The following ACSM6 variants were observed in gnomAD, a reference collection of about 807,000 sequenced individuals.
ACSM6 encodes acyl-CoA synthetase medium chain family member 6.
A neutral mutation model predicts 51.1 loss-of-function variants in ACSM6; 35 were observed. That is an observed-to-expected ratio of 0.69 (90% CI 0.52 to 0.91). ACSM6 has a LOEUF of 0.91. Among genes scored for constraint, ACSM6 ranks in the 40% least tolerant of loss-of-function variants. The pLI is 0.00. For missense variants in ACSM6, 509 were observed against 584.1 expected (o/e 0.87, Z 1.32); for synonymous variants, 172 against 207.3 (o/e 0.83, Z 1.46).
At chr10:95,199,744 T>C (rs2034773920) in intron 2 of ACSM6, among the ~76,000 whole-genome samples, 1 of 151,952 alleles carries the variant, frequency 6.6e-6, no homozygotes, top group Non-Finnish European at 1.5e-5. Flanking sequence ...AACAGACACA[T>C]GAAAAAATGC....
rs555919525 is a variant in ACSM6 at position 95,207,579 on chromosome 10, G to A, written c.611+164G>A. On this transcript the variant is annotated intron_variant, in intron 4 of 10. Coordinates refer to ENST00000341686, the Ensembl canonical transcript of ACSM6. Reference sequence around the variant, plus strand: ...AGAAGGTGGTGTGAGTGGTCAGAATGAAAAGCTGAATGGCAATTTCTAGTC... The same window carrying A: ...AGAAGGTGGTGTGAGTGGTCAGAATAAAAAGCTGAATGGCAATTTCTAGTC... Among the ~76,000 whole-genome samples, 66 of 152,270 alleles carry A rather than the reference G, an allele frequency of 4.3e-4. No individual in the cohort carries two copies. In the South Asian group the frequency reaches 6.9e-3, roughly 16 times the overall value.
intron 9 of ACSM6, 142 bp downstream of exon 9, chr10:95,220,113 G>T: frequency 1.5e-6 from 1 of 658,010 alleles, no homozygotes; most frequent in South Asian, 2.0e-5. Flanking sequence ...TCACATTATT[G>T]CTTTTATTTC....
intron 7 of ACSM6, among the ~76,000 whole-genome samples, chr10:95,214,106 G>T (rs998676628): frequency 1.2e-4 from 19 of 152,094 alleles, no homozygotes. Context: ...TGATGTAATG[G>T]TATATTTGGG....
intron 10 of ACSM6, chr10:95,225,930 G>A (rs184443395): frequency 2.6e-5 from 4 of 152,236 alleles, no homozygotes; most frequent in East Asian, 1.9e-4. Flanking sequence ...AATAGAGGAC[G>A]GTTGTGTTAA....
chr10:95,207,998 G>A (rs999455928), intron 4 of ACSM6, among the ~76,000 whole-genome samples: 1 of 151,948 alleles, frequency 6.6e-6, no homozygotes, highest in African/African-American at 2.4e-5. Context: ...AAAATTAGCT[G>A]GGTGTGGTGG....
At chr10:95,202,781 A>G (rs1305963137) in intron 3 of ACSM6, among the ~76,000 whole-genome samples, 1 of 150,048 alleles carries the variant, frequency 6.7e-6, no homozygotes, top group East Asian at 1.9e-4. Flanking sequence ...CACAAAGCAG[A>G]AAAAAAAAAT....
chr10:95,201,711 C>T, intron 2 of ACSM6: 2 of 544,104 alleles, frequency 3.7e-6, no homozygotes, highest in Non-Finnish European at 6.8e-6. Context: ...TCTCTGCCAT[C>T]CTGGGCAGGG....
At chr10:95,207,137 G>T in intron 3 of ACSM6, 71 bp from the exon 4 acceptor site, 1 of 1,463,142 alleles carries the variant, frequency 6.8e-7, no homozygotes, top group South Asian at 1.2e-5. Flanking sequence ...ATCCATGCCT[G>T]CCAGAATGCT....
intron 4 of ACSM6, among the ~76,000 whole-genome samples, chr10:95,209,327 A>C (rs2133380565): frequency 1.3e-5 from 2 of 152,220 alleles, no homozygotes; most frequent in Middle Eastern, 3.4e-3. Flanking sequence ...TGGGGAAGAG[A>C]GTAGCAGGAG....
At chr10:95,222,720 G>C (rs1271943032) in intron 9 of ACSM6, among the ~76,000 whole-genome samples, 1 of 152,050 alleles carries the variant, frequency 6.6e-6, no homozygotes, top group Admixed American at 6.6e-5. Context: ...ATCCACCAAG[G>C]GGTACAAAAT....
intron 4 of ACSM6, among the ~76,000 whole-genome samples, chr10:95,208,658 T>C (rs931771737): frequency 2.6e-5 from 4 of 152,204 alleles, no homozygotes; most frequent in African/African-American, 9.7e-5. Flanking sequence ...AGAGATCACA[T>C]TTGCATAACT....
exon 11 of ACSM6, chr10:95,228,681 T>G (rs1163979409): frequency 6.4e-7 from 1 of 1,551,760 alleles, no homozygotes; most frequent in Non-Finnish European, 8.7e-7. Context: ...AGAGGCCACA[T>G]GCTTTACCTC....
At chr10:95,228,680 A>T in exon 11 of ACSM6, 5 of 1,551,840 alleles carry the variant, frequency 3.2e-6, no homozygotes, top group Non-Finnish European at 3.5e-6. Flanking sequence ...AAGAGGCCAC[A>T]TGCTTTACCT....
intron 8 of ACSM6, among the ~76,000 whole-genome samples, chr10:95,215,876 G>GAAGTGTCTCACAGAC (rs1564590411): frequency 6.6e-6 from 1 of 151,854 alleles, no homozygotes; most frequent in Non-Finnish European, 1.5e-5. Flanking sequence ...CACAGACAGG[G>GAAGTGTCTCACAGAC]AGAGAGAGAG....
chr10:95,208,851 G>A (rs1046102749), intron 4 of ACSM6, among the ~76,000 whole-genome samples: 3 of 142,820 alleles, frequency 2.1e-5, no homozygotes, highest in Non-Finnish European at 3.0e-5. Context: ...CATCCCCCAC[G>A]GATAAGGCAA....
At chr10:95,213,131 T>G (rs2034911557) in intron 7 of ACSM6, among the ~76,000 whole-genome samples, 191 bp downstream of exon 7, 1 of 152,222 alleles carries the variant, frequency 6.6e-6, no homozygotes, top group South Asian at 2.1e-4. Context: ...ATCCATATCT[T>G]GACCCAGAAC....
chr10:95,198,190 G>A (rs1039118739), intron 2 of ACSM6, among the ~76,000 whole-genome samples: 1 of 151,980 alleles, frequency 6.6e-6, no homozygotes, highest in Non-Finnish European at 1.5e-5. Flanking sequence ...CATAGACACA[G>A]TAACAGTCTG....
At chr10:95,213,933 G>A (rs2034919976) in intron 7 of ACSM6, among the ~76,000 whole-genome samples, 1 of 152,086 alleles carries the variant, frequency 6.6e-6, no homozygotes, top group Non-Finnish European at 1.5e-5. Context: ...GGCATTTTGT[G>A]GAGCAGTTAA....
exon 4 of ACSM6, chr10:95,207,329 C>A: frequency 6.2e-7 from 1 of 1,614,116 alleles, no homozygotes; most frequent in South Asian, 1.1e-5. Context: ...TAAACTCTGC[C>A]GTGTCCGACT....
Sources: gnomAD v4.1 joint callset for allele counts (sites outside exome capture counted in the v4.1 genomes callset) on GRCh38, gnomAD v4.1.1 for gene constraint, MANE v1.5 for transcripts, NCBI Gene and HGNC (gene_info 2026-07-23, HGNC 2026-07-21) for gene names.